Variants in DLGAP1 observed in about 807,000 individuals in gnomAD.
DLGAP1 encodes the protein disks large-associated protein 1.
Under a neutral mutation model 90.8 loss-of-function variants are expected in DLGAP1, and 11 were observed. That is an observed-to-expected ratio of 0.12 (90% confidence interval 0.08 to 0.20). DLGAP1 has a LOEUF of 0.20. Among genes scored for constraint, DLGAP1 ranks in the 10% least tolerant of loss-of-function variants. The pLI is 1.00. For synonymous variants in DLGAP1, 558 were observed against 540.7 expected, an observed-to-expected ratio of 1.03 and a Z score of -0.44; for missense variants, 1,050 against 1,333.8, an observed-to-expected ratio of 0.79 and a Z score of 3.31.
At chr18:3,595,165 AGGGCACCCATTGAGAGGC>A (rs1466751168) in intron 7 of DLGAP1, among the ~76,000 whole-genome samples, 1 of 152,176 alleles carries the variant, frequency 6.6e-6, no homozygotes, top group Non-Finnish European at 1.5e-5. Flanking sequence ...GCAGGAGGAG[AGGGCACCCATTGAGAGGC>A]GGGCACCCCT....
At chr18:3,996,212 T>A (rs2149063393) in intron 3 of DLGAP1, among the ~76,000 whole-genome samples, 1 of 152,284 alleles carries the variant, frequency 6.6e-6, no homozygotes, top group Admixed American at 6.5e-5. Flanking sequence ...TTTAAACAAG[T>A]CAATTCTGAT....
At chr18:4,089,529 T>C (rs2075736622) in intron 2 of DLGAP1, among the ~76,000 whole-genome samples, 2 of 152,064 alleles carry the variant, frequency 1.3e-5, no homozygotes, top group African/African-American at 4.8e-5. Context: ...GCTGAAGCCA[T>C]CCCACCATCT....
intron 2 of DLGAP1, among the ~76,000 whole-genome samples, chr18:4,105,158 G>A (rs953301958): frequency 2.0e-5 from 3 of 152,302 alleles, no homozygotes; most frequent in Middle Eastern, 3.4e-3. Context: ...ACTGAGACCA[G>A]GCTTTAGTGA....
At chr18:4,184,195 C>T (rs1321865255) in intron 1 of DLGAP1, among the ~76,000 whole-genome samples, 1 of 152,110 alleles carries the variant, frequency 6.6e-6, no homozygotes, top group Non-Finnish European at 1.5e-5. Flanking sequence ...GGCTTAATTG[C>T]TTGTATTGAT....
chr18:4,063,993 C>T (rs938613643), intron 2 of DLGAP1, among the ~76,000 whole-genome samples: 3 of 152,022 alleles, frequency 2.0e-5, no homozygotes, highest in Admixed American at 6.6e-5. Flanking sequence ...ATTCTCAAAT[C>T]CAAGTGTTTC....
intron 3 of DLGAP1, among the ~76,000 whole-genome samples, chr18:3,975,192 C>A (rs1467322767): frequency 6.6e-6 from 1 of 151,744 alleles, no homozygotes; most frequent in Admixed American, 6.6e-5. Flanking sequence ...TTTTTAATTA[C>A]AATTAAAAAT....
chr18:4,081,178 GTGCCCAGCTGAA>G (rs1296898514), intron 2 of DLGAP1, among the ~76,000 whole-genome samples: 3 of 152,072 alleles, frequency 2.0e-5, no homozygotes, highest in Admixed American at 2.0e-4. Flanking sequence ...GTGAGCCACT[GTGCCCAGCTGAA>G]TGCCTTTTCT....
chr18:3,812,943 C>T (rs1373380551), intron 5 of DLGAP1, among the ~76,000 whole-genome samples: 1 of 152,112 alleles, frequency 6.6e-6, no homozygotes, highest in Non-Finnish European at 1.5e-5. Context: ...ATCAAAGGCA[C>T]TTAAAAATAC....
At chr18:3,889,787 G>T (rs942331647) in intron 3 of DLGAP1, among the ~76,000 whole-genome samples, 1 of 152,222 alleles carries the variant, frequency 6.6e-6, no homozygotes, top group Non-Finnish European at 1.5e-5. Flanking sequence ...ACTCTGGTAA[G>T]CTTCAAGGTC....
chr18:3,819,870 G>C (rs183175075), intron 4 of DLGAP1, among the ~76,000 whole-genome samples: 1 of 152,120 alleles, frequency 6.6e-6, no homozygotes. Context: ...TAATATCATA[G>C]TGTTTTAAGG....
intron 3 of DLGAP1, among the ~76,000 whole-genome samples, chr18:3,969,933 C>T (rs1006266609): frequency 2.0e-5 from 3 of 152,170 alleles, no homozygotes; most frequent in Non-Finnish European, 4.4e-5. Context: ...GACTATCAGT[C>T]CTGTCTGTGT....
chr18:4,150,332 T>A (rs1255301793), intron 2 of DLGAP1, among the ~76,000 whole-genome samples: 1 of 152,200 alleles, frequency 6.6e-6, no homozygotes, highest in East Asian at 1.9e-4. Flanking sequence ...AAAAACTACA[T>A]AATGAAAGGA....
chr18:4,364,005 C>G (rs1284741593), intron 1 of DLGAP1, among the ~76,000 whole-genome samples: 1 of 151,612 alleles, frequency 6.6e-6, no homozygotes, highest in Non-Finnish European at 1.5e-5. Context: ...TGGAACCAAC[C>G]CAAATGTCCA....
At chr18:4,058,523 C>T (rs1432926699) in intron 2 of DLGAP1, among the ~76,000 whole-genome samples, 2 of 152,178 alleles carry the variant, frequency 1.3e-5, no homozygotes, top group Non-Finnish European at 2.9e-5. Context: ...AGGGCCCTGC[C>T]TACTTGCTTT....
intron 3 of DLGAP1, among the ~76,000 whole-genome samples, chr18:4,002,982 A>G (rs1157708281): frequency 1.3e-5 from 2 of 152,134 alleles, no homozygotes; most frequent in Admixed American, 6.5e-5. Context: ...GGCCAGTTGA[A>G]GGTGGATTGT....
At chr18:4,232,607 A>G (rs1202494722) in intron 1 of DLGAP1, among the ~76,000 whole-genome samples, 1 of 152,328 alleles carries the variant, frequency 6.6e-6, no homozygotes, top group East Asian at 1.9e-4. Flanking sequence ...CCTAAAATTT[A>G]CTATCAACTT....
rs558272073 is a variant in DLGAP1 at position 4,004,505 on chromosome 18, C to T, written c.-73+611G>A. ...TCAAGGTTAGTGTTCCATTTTTAGC[C>T]CTGAAATACACATGAATTAGATTAC... On this transcript the variant is annotated intron_variant, in intron 3 of 12. Transcript: ENST00000315677. Among the ~76,000 whole-genome samples the T allele has an allele frequency of 1.2e-3, 182 of 152,160 alleles. 2 individuals are homozygous for T. Among genetic ancestry groups the T allele is most frequent in the Non-Finnish European group, 2.0e-3 (135 of 68,006 alleles).
intron 7 of DLGAP1, among the ~76,000 whole-genome samples, chr18:3,651,164 T>C (rs958489873): frequency 6.6e-6 from 1 of 151,184 alleles, no homozygotes; most frequent in Non-Finnish European, 1.5e-5. Flanking sequence ...ATCGAGACCA[T>C]CCTGGCCAAC....
At chr18:3,730,385 G>A (rs961424777) in intron 6 of DLGAP1, among the ~76,000 whole-genome samples, 7 of 151,990 alleles carry the variant, frequency 4.6e-5, no homozygotes, top group Admixed American at 6.6e-5. Context: ...TTTTTTTGAC[G>A]AATAAGTTTT....
Sources: allele counts gnomAD v4.1 joint callset (sites outside exome capture counted in the v4.1 genomes callset), GRCh38; gene constraint gnomAD v4.1.1; transcripts MANE v1.5; gene names NCBI Gene and HGNC (gene_info 2026-07-23, HGNC 2026-07-21).